DCC: variants seen among roughly 807,000 people sequenced by gnomAD.
DCC encodes DCC netrin 1 receptor.
In DCC, 58 loss-of-function variants were observed where a neutral mutation model predicts 172.5. That is an observed-to-expected ratio of 0.34 (90% CI 0.27 to 0.42). The LOEUF (loss-of-function observed/expected upper bound fraction) is 0.42. DCC is among the 10% of genes least tolerant of loss of function. The pLI, the probability that DCC is intolerant of heterozygous loss-of-function variation, is 1.00. For synonymous variants in DCC, 709 were observed against 644.5 expected, an observed-to-expected ratio of 1.10 and a Z score of -1.52; for missense variants, 1,740 against 1,791.0, an observed-to-expected ratio of 0.97 and a Z score of 0.51.
At chr18:52,799,875 G>C (rs2145224544) in intron 2 of DCC, among the ~76,000 whole-genome samples, 1 of 152,260 alleles carries the variant, frequency 6.6e-6, no homozygotes, top group Non-Finnish European at 1.5e-5. Context: ...AGTTTGGCTA[G>C]TTTGTTGTTG....
chr18:53,099,829 C>G (rs1315554114), intron 7 of DCC, among the ~76,000 whole-genome samples: 1 of 151,750 alleles, frequency 6.6e-6, no homozygotes, highest in African/African-American at 2.4e-5. Flanking sequence ...TAAGAGTTGT[C>G]AACATTGTTG....
At chr18:52,869,464 GA>G (rs1188242716) in intron 2 of DCC, among the ~76,000 whole-genome samples, 1 of 152,166 alleles carries the variant, frequency 6.6e-6, no homozygotes, top group African/African-American at 2.4e-5. Flanking sequence ...GGTGGGCCTG[GA>G]AAAGGCACCA....
At chr18:52,862,750 C>T (rs1298767393) in intron 2 of DCC, among the ~76,000 whole-genome samples, 1 of 150,782 alleles carries the variant, frequency 6.6e-6, no homozygotes, top group Non-Finnish European at 1.5e-5. Context: ...ATCAAAAACA[C>T]TTACTCTTTT....
intron 5 of DCC, among the ~76,000 whole-genome samples, chr18:53,005,914 G>A (rs919150776): frequency 2.6e-5 from 4 of 152,106 alleles, no homozygotes; most frequent in African/African-American, 9.7e-5. Flanking sequence ...TACCTACAAT[G>A]TTGGAACATG....
At chr18:53,141,436 A>G (rs556556352) in intron 7 of DCC, among the ~76,000 whole-genome samples, 4 of 152,218 alleles carry the variant, frequency 2.6e-5, no homozygotes, top group Non-Finnish European at 4.4e-5. Context: ...AAATCCAGGA[A>G]GGCAAAAAAG....
chr18:53,226,601 A>G (rs543622803), intron 12 of DCC, among the ~76,000 whole-genome samples: 2 of 152,190 alleles, frequency 1.3e-5, no homozygotes, highest in South Asian at 4.1e-4. Context: ...TCCAAGTTAT[A>G]TAATATATTT....
At position 53,260,234 on chromosome 18, in the gene DCC, G is replaced by C. The variant is rs188648194; in HGVS notation, c.1911+44637G>C. Reference sequence around the variant, plus strand: ...AGTCATTCTCCGTCCAGCTTTGTTTGGTTGCTGGTGAGGAGCTGCATTCCT... The same window carrying C: ...AGTCATTCTCCGTCCAGCTTTGTTTCGTTGCTGGTGAGGAGCTGCATTCCT... On this transcript the variant is annotated intron_variant, in intron 12 of 28. Coordinates refer to ENST00000442544, the MANE Select transcript of DCC (RefSeq NM_005215.4). Among the ~76,000 whole-genome samples, 226 of 152,210 alleles carry C rather than the reference G, an allele frequency of 1.5e-3. 1 individual carries two copies. The highest frequency in any genetic ancestry group is 5.4e-3 in the African/African-American group (224 of 41,522).
intron 1 of DCC, among the ~76,000 whole-genome samples, chr18:52,420,140 T>A (rs1987197752): frequency 6.6e-6 from 1 of 152,214 alleles, no homozygotes; most frequent in Non-Finnish European, 1.5e-5. Flanking sequence ...ATAATGGTTG[T>A]GCATTTAGAA....
rs143627580 is a variant in DCC at position 52,444,222 on chromosome 18, C to T, written c.91+103344C>T. 5.7e-3 allele frequency among the ~76,000 whole-genome samples: 872 copies of T among 152,246 alleles called. 10 individuals carry two copies. Among genetic ancestry groups the T allele is most frequent in the African/African-American group, 0.02 (841 of 41,534 alleles). The stretch of plus-strand genomic sequence containing the variant: ...GCAGTTCCTGGCCTGCAGAATTCAC[C>T]TCTAAAATGAGGTGTTTCCCTAATT... On this transcript the variant is annotated intron_variant, in intron 1 of 28. Coordinates refer to ENST00000442544, the MANE Select transcript of DCC (RefSeq NM_005215.4).
In DCC at chr18:53,078,049, T is replaced by C. The variant is rs371568309; in HGVS notation, c.1261+11883T>C. 7.2e-5 allele frequency among the ~76,000 whole-genome samples: 11 copies of C among 152,264 alleles called. No homozygotes were observed. The South Asian group carries it at 8.3e-4, about 11-fold the overall frequency. ...AAGAGTAAATTCGATATAACTAATC[T>C]TAATTATCAAATGCAATTAAAGCAT... On this transcript the variant is annotated intron_variant, in intron 7 of 28. Coordinates refer to ENST00000442544, the MANE Select transcript of DCC (RefSeq NM_005215.4).
At chr18:52,506,562 G>T (rs1464940934) in intron 1 of DCC, among the ~76,000 whole-genome samples, 1 of 152,012 alleles carries the variant, frequency 6.6e-6, no homozygotes, top group African/African-American at 2.4e-5. Context: ...TCTGATAAAA[G>T]AAAATTATTA....
chr18:52,827,579 TAA>T (rs1182906335), intron 2 of DCC, among the ~76,000 whole-genome samples: 7 of 152,204 alleles, frequency 4.6e-5, no homozygotes, highest in Non-Finnish European at 1.0e-4. Context: ...AAAACAATAT[TAA>T]ATGAAAATGC....
chr18:53,530,483 C>A, intron 28 of DCC, 81 bp from the exon 29 acceptor site: 1 of 837,288 alleles, frequency 1.2e-6, no homozygotes, highest in Non-Finnish European at 2.1e-6. Context: ...ACGTAGCACC[C>A]CAACTAGCTG....
At chr18:53,059,549 TGTAA>T (rs1204029241) in intron 5 of DCC, among the ~76,000 whole-genome samples, 1 of 152,164 alleles carries the variant, frequency 6.6e-6, no homozygotes, top group African/African-American at 2.4e-5. Context: ...TCCCATGTTA[TGTAA>T]GTATTTTAAT....
intron 1 of DCC, among the ~76,000 whole-genome samples, chr18:52,678,528 G>T (rs1207219877): frequency 1.3e-5 from 2 of 152,120 alleles, no homozygotes; most frequent in Non-Finnish European, 2.9e-5. Context: ...TTTATTTGCA[G>T]GTCAGCTGTG....
chr18:52,527,524 A>G (rs72928602), intron 1 of DCC, among the ~76,000 whole-genome samples: 215 of 152,332 alleles, frequency 1.4e-3, no homozygotes, highest in Non-Finnish European at 2.6e-3. Context: ...CAGGGCATGG[A>G]TGAAAGCAAA....
intron 1 of DCC, among the ~76,000 whole-genome samples, chr18:52,346,036 A>G (rs1225294177): frequency 1.3e-5 from 2 of 152,344 alleles, no homozygotes; most frequent in South Asian, 2.1e-4. Context: ...TCAGAGGAAA[A>G]AACATTTCTT....
chr18:53,403,884 G>A (rs545082045), intron 19 of DCC, among the ~76,000 whole-genome samples: 73 of 152,284 alleles, frequency 4.8e-4, no homozygotes, highest in African/African-American at 1.7e-3. Flanking sequence ...TTCCAAATAG[G>A]ATTGAAATTT....
chr18:53,481,942 A>G (rs2045836569), intron 25 of DCC, among the ~76,000 whole-genome samples: 1 of 152,206 alleles, frequency 6.6e-6, no homozygotes, highest in Non-Finnish European at 1.5e-5. Flanking sequence ...ATTTCTTGTC[A>G]TATTTTGCCG....
Sources: allele counts gnomAD v4.1 joint callset (sites outside exome capture counted in the v4.1 genomes callset), GRCh38; gene constraint gnomAD v4.1.1; transcripts MANE v1.5; gene names NCBI Gene and HGNC (gene_info 2026-07-23, HGNC 2026-07-21).